The following CYP2D6 variants were observed in gnomAD, a reference collection of about 807,000 sequenced individuals.
The protein encoded by CYP2D6 is cytochrome P450 family 2 subfamily D member 6 (gene/pseudogene).
CYP2D6 carries 51 observed loss-of-function variants against 43.5 expected under a neutral mutation model. That is an observed-to-expected ratio of 1.17 (90% CI 0.94 to 1.48). CYP2D6 has a LOEUF of 1.48. Among genes scored for constraint, CYP2D6 ranks in the 40% most tolerant of loss-of-function variants. The pLI is 0.00. For synonymous variants in CYP2D6, 346 were observed against 297.1 expected (o/e 1.16, Z -1.69); for missense variants, 698 against 688.0 (o/e 1.01, Z -0.16).
At position 42,128,324 on chromosome 22, in the gene CYP2D6, C is replaced by T. The variant is rs867154253; in HGVS notation, c.693G>A (p.Leu231=). 25 of 1,610,480 alleles carry T rather than the reference C, an allele frequency of 1.6e-5. 1 individual carries two copies. The South Asian group carries it at 1.7e-4, about 11-fold the overall frequency. Residue 231 remains leucine, a synonymous_variant, in exon 5 of 9, where the codon CTG becomes CTA. Coordinates refer to ENST00000645361, the MANE Select transcript of CYP2D6 (RefSeq NM_000106.6). ...REVLNAVPVL[L]HIPALAGKVL... ...CCTTGCCAGCCAGCGCTGGGATATG[C>T]AGGAGGACGGGGACAGCATTCAGCA...
At chr22:42,130,245 C>T (rs1983812048) in intron 1 of CYP2D6, 3 of 512,018 alleles carry the variant, frequency 5.9e-6, no homozygotes, top group Non-Finnish European at 1.0e-5. Context: ...GTCACTGCAC[C>T]CCCTTCATCC....
Position 42,130,708 on chromosome 22 carries a change from G to C in CYP2D6, c.84C>G (p.Arg28=), listed in dbSNP as rs28448769. The stretch of plus-strand genomic sequence containing the variant: ...GGCCTGGTGGGTAGCGTGCAGCCCA[G>C]CGTTGGCGCCGGTGCATCAGGTCCA... The part of the protein sequence containing the change: ...LLVDLMHRRQ[R]WAARYPPGPL... Residue 28 remains arginine, a synonymous_variant, in exon 1 of 9, where the codon CGC becomes CGG. Coordinates refer to ENST00000645361, the MANE Select transcript of CYP2D6 (RefSeq NM_000106.6). The C allele has an allele frequency of 6.2e-6, 10 of 1,604,302 alleles. No homozygotes were observed. In the South Asian group the frequency reaches 1.1e-4, roughly 18 times the overall value.
rs1242928364 is a variant in CYP2D6, at chr22:42,129,903, G to A, written c.187C>T (p.Arg63Cys). 6.4e-6 allele frequency: 10 copies of A among 1,562,908 alleles called. No homozygotes were observed. Among genetic ancestry groups the A allele is most frequent in the Non-Finnish European group, 8.7e-6 (10 of 1,155,028 alleles). ...AGGCTGAACACGTCCCCGAAGCGGCGCCGCAACTGCAGAGGGAGGGTCAGG... is the reference window on the plus strand; with the variant it reads ...AGGCTGAACACGTCCCCGAAGCGGCACCGCAACTGCAGAGGGAGGGTCAGG... ...NTPYCFDQLR[R>C]RFGDVFSLQL... Residue 63 changes from arginine to cysteine, a missense_variant, in exon 2 of 9, where the codon CGC becomes TGC. By Grantham distance (180) the Arg-to-Cys change is radical. Around this residue, in one of 5 missense-constraint regions of CYP2D6, gnomAD observed 588 missense variants for 521.1 expected, o/e 1.13. Transcript: ENST00000645361.
At chr22:42,127,683 C>T (rs767861696) in intron 6 of CYP2D6, 49 bp from the exon 7 acceptor site, 2 of 1,588,820 alleles carry the variant, frequency 1.3e-6, no homozygotes, top group East Asian at 2.2e-5. Flanking sequence ...GGGGGTCCGG[C>T]CCTGACACTC....
Position 42,128,333 on chromosome 22 carries a change from G to C in CYP2D6, c.684C>G (p.Pro228=). 3 of 1,610,362 alleles carry C rather than the reference G, an allele frequency of 1.9e-6. No individual in the cohort carries two copies. The highest frequency in any genetic ancestry group is 8.5e-7 in the Non-Finnish European group (1 of 1,177,872). Residue 228 remains proline, a synonymous_variant, in exon 5 of 9, where the codon CCC becomes CCG. Transcript: ENST00000645361. The part of the protein sequence containing the change: ...GFLREVLNAV[P]VLLHIPALAG... ...CCAGCGCTGGGATATGCAGGAGGAC[G>C]GGGACAGCATTCAGCACCTACACCA...
At chr22:42,130,454 T>G in intron 1 of CYP2D6, 158 bp downstream of exon 1, 1 of 866,318 alleles carries the variant, frequency 1.2e-6, no homozygotes, top group Non-Finnish European at 1.9e-6. Flanking sequence ...CAGTCCTTCA[T>G]GCCATGTATA....
At chr22:42,127,022 G>A in intron 7 of CYP2D6, 30 bp from the exon 8 acceptor site, 2 of 1,588,846 alleles carry the variant, frequency 1.3e-6, no homozygotes, top group Non-Finnish European at 1.7e-6. Flanking sequence ...TGAGAGTGGG[G>A]ACTGGACTCT....
intron 5 of CYP2D6, 79 bp downstream of exon 5, chr22:42,128,095 C>CT (rs1309090270): frequency 6.3e-7 from 1 of 1,584,384 alleles, no homozygotes; most frequent in Non-Finnish European, 8.6e-7. Flanking sequence ...CTGGTCCAAC[C>CT]TTTTGCCCAG....
Position 42,128,774 on chromosome 22 carries a change from C to T in CYP2D6, c.666+10G>A, listed in dbSNP as rs368129875. On this transcript the variant is annotated intron_variant, in intron 4 of 8. Coordinates refer to ENST00000645361, the MANE Select transcript of CYP2D6 (RefSeq NM_000106.6). The stretch of plus-strand genomic sequence containing the variant: ...GCCCTGCAGAGACTCCTCGGTCTCT[C>T]GCTCCGCACCTCGCGCAGAAAGCCC... The T allele has an allele frequency of 1.3e-4, 203 of 1,567,628 alleles. 9 individuals carry two copies. The highest frequency in any genetic ancestry group is 1.7e-4 in the Non-Finnish European group (198 of 1,149,656).
At chr22:42,127,722 A>G in intron 6 of CYP2D6, 88 bp from the exon 7 acceptor site, 1 of 1,574,170 alleles carries the variant, frequency 6.4e-7, no homozygotes, top group Non-Finnish European at 8.7e-7. Context: ...GGAGGAGGTC[A>G]GGCTTACAGG....
chr22:42,128,356 C>G lies in CYP2D6; in HGVS notation c.667-6G>C, dbSNP rs774751991. The G allele has an allele frequency of 1.2e-6, 2 of 1,609,824 alleles. No homozygotes were observed. The highest frequency in any genetic ancestry group is 1.7e-5 in the Admixed American group (1 of 59,842). On this transcript the variant is annotated splice_polypyrimidine_tract_variant and splice_region_variant and intron_variant, in intron 4 of 8. Coordinates refer to ENST00000645361, the MANE Select transcript of CYP2D6 (RefSeq NM_000106.6). Reference sequence around the variant, plus strand: ...ACGGGGACAGCATTCAGCACCTACACCAGACAGAACGGGGTCTCAATCCCT... The same window carrying G: ...ACGGGGACAGCATTCAGCACCTACAGCAGACAGAACGGGGTCTCAATCCCT...
At chr22:42,127,158 C>T (rs1163807454) in intron 7 of CYP2D6, among the ~76,000 whole-genome samples, 166 bp from the exon 8 acceptor site, 4 of 150,990 alleles carry the variant, frequency 2.6e-5, no homozygotes, top group Admixed American at 2.0e-4. Flanking sequence ...CACAGCAGGG[C>T]GCAGTCACAC....
intron 2 of CYP2D6, 130 bp from the exon 3 acceptor site, chr22:42,129,315 C>G (rs1232389723): frequency 8.2e-7 from 1 of 1,221,298 alleles, no homozygotes. Flanking sequence ...ACAGGGCCCA[C>G]TCTTTGTGCA....
At position 42,130,783 on chromosome 22, in the gene CYP2D6, T is replaced by C. The variant is rs1932048588; in HGVS notation, c.9A>G (p.Leu3=). The change falls in exon 1 of 9, where the codon CTA becomes CTG. Residue 3 remains leucine, a synonymous_variant. Transcript: ENST00000645361. MG[L]EALVPLAVIV... is the part of the protein sequence containing the mutation. Reference sequence around the variant, plus strand: ...TCACGGCCAGGGGCACCAGTGCTTCTAGCCCCATACCTGCCTCACTACCAA... The same window carrying C: ...TCACGGCCAGGGGCACCAGTGCTTCCAGCCCCATACCTGCCTCACTACCAA... The C allele has an allele frequency of 1.3e-6, 2 of 1,571,558 alleles. No individual in the cohort carries two copies. The highest frequency in any genetic ancestry group is 2.3e-5 in the East Asian group (1 of 43,336).
intron 2 of CYP2D6, 113 bp from the exon 3 acceptor site, chr22:42,129,298 G>C: frequency 7.4e-7 from 1 of 1,353,312 alleles, no homozygotes; most frequent in Non-Finnish European, 1.0e-6. Context: ...GCTCTGTCCA[G>C]CTGGTCACAG....
rs762326029 is a variant in CYP2D6, at chr22:42,129,006, C to T, written c.505+27G>A. The T allele has an allele frequency of 1.9e-6, 3 of 1,598,008 alleles. No individual in the cohort carries two copies. The highest frequency in any genetic ancestry group is 2.6e-6 in the Non-Finnish European group (3 of 1,172,196). On this transcript the variant is annotated intron_variant, in intron 3 of 8. Transcript: ENST00000645361. Reference sequence around the variant, plus strand: ...CCGTCCCCCGCCTTCCCAGTTCCCGCTTTGTGCCCTTCTGCCCATCACCCA... The same window carrying T: ...CCGTCCCCCGCCTTCCCAGTTCCCGTTTTGTGCCCTTCTGCCCATCACCCA...
intron 2 of CYP2D6, chr22:42,129,413 C>T (rs996209064): frequency 2.0e-5 from 16 of 782,208 alleles, no homozygotes; most frequent in South Asian, 1.2e-4. Context: ...GAAGACCCCG[C>T]GGGCCCCGCG....
At position 42,127,637 on chromosome 22, in the gene CYP2D6, G is replaced by A. The variant is rs372154477; in HGVS notation, c.986-3C>T. On this transcript the variant is annotated splice_region_variant and splice_polypyrimidine_tract_variant and intron_variant, in intron 6 of 8. Transcript: ENST00000645361. ...GTCGATCTCCTGTTGGACACGGCCT[G>A]GACAGACATGCGTCCCCACAATGGG... 3 of 1,610,712 alleles carry A rather than the reference G, an allele frequency of 1.9e-6. No individual in the cohort carries two copies. The highest frequency in any genetic ancestry group is 3.3e-4 in the Middle Eastern group (2 of 6,080).
At chr22:42,129,612 C>T (rs1282760344) in intron 2 of CYP2D6, 126 bp downstream of exon 2, 4 of 1,320,250 alleles carry the variant, frequency 3.0e-6, no homozygotes, top group South Asian at 2.5e-5. Context: ...GGTTTCTTGG[C>T]CCGCTGTCCC....
Sources: gnomAD v4.1 joint callset for allele counts (sites outside exome capture counted in the v4.1 genomes callset) on GRCh38, gnomAD v4.1.1 for gene constraint, gnomAD v4.1.1 regional missense constraint, MANE v1.5 for transcripts, NCBI Gene and HGNC (gene_info 2026-07-23, HGNC 2026-07-21) for gene names.